The following UTP4 variants were observed in gnomAD, a reference collection of about 807,000 sequenced individuals.
UTP4 encodes the protein UTP4 small subunit processome component.
UTP4 carries 45 observed loss-of-function variants against 82.4 expected under a neutral mutation model. The ratio of observed to expected loss-of-function variants is 0.55; its 90% CI spans 0.43 to 0.70. UTP4 has a LOEUF of 0.70. Among genes scored for constraint, UTP4 ranks in the 30% least tolerant of loss-of-function variants. The pLI, the probability that UTP4 is intolerant of heterozygous loss-of-function variation, is 0.00. For missense variants in UTP4, 819 were observed against 858.3 expected (o/e 0.95, Z 0.57); for synonymous variants, 348 against 300.3 (o/e 1.16, Z -1.64).
chr16:69,160,227 T>C, intron 12 of UTP4, 129 bp from the exon 13 acceptor site: 1 of 791,000 alleles, frequency 1.3e-6, no homozygotes. Context: ...ATTTGCACAG[T>C]GATCAGCAAA....
intron 16 of UTP4, among the ~76,000 whole-genome samples, chr16:69,168,609 C>T (rs1963761575): frequency 6.6e-6 from 1 of 151,814 alleles, no homozygotes; most frequent in Non-Finnish European, 1.5e-5. Flanking sequence ...GCCTAGGCAA[C>T]ATAGCAAGAT....
chr16:69,161,573 A>G (rs1454713664), intron 13 of UTP4, among the ~76,000 whole-genome samples: 1 of 152,256 alleles, frequency 6.6e-6, no homozygotes, highest in Non-Finnish European at 1.5e-5. Flanking sequence ...TCAATGACAC[A>G]TTTATAAGCA....
chr16:69,160,351 C>T lies in UTP4; in HGVS notation c.1445-5C>T, dbSNP rs769021210. On this transcript the variant is annotated splice_region_variant and splice_polypyrimidine_tract_variant and intron_variant, in intron 12 of 16. Transcript: ENST00000314423. ...TTCAGAGATGTAACTGTTTTGTCCTCACAGGAACAGTGGAGGCCATGTGTC... is the reference window on the plus strand; with the variant it reads ...TTCAGAGATGTAACTGTTTTGTCCTTACAGGAACAGTGGAGGCCATGTGTC... 5 of 1,611,806 alleles carry T rather than the reference C, an allele frequency of 3.1e-6. No individual in the cohort carries two copies. In the Admixed American group the frequency reaches 6.7e-5, roughly 21 times the overall value.
chr16:69,137,813 G>A lies in UTP4; in HGVS notation c.364G>A (p.Asp122Asn), dbSNP rs1310054275. The change falls in exon 4 of 17, where the codon GAT (aspartate) becomes AAT (asparagine). Residue 122 changes from aspartate (D) to asparagine (N), a missense_variant. Asp to Asn is a conservative substitution (Grantham distance 23, BLOSUM62 1). Transcript: ENST00000314423. Reference sequence around the variant, plus strand: ...CTTTCTCAAATAGGTTGGTTGTGAAGATGGATCTGTGAAACTATTTCAAAT... The same window carrying A: ...CTTTCTCAAATAGGTTGGTTGTGAAAATGGATCTGTGAAACTATTTCAAAT... ...SGSQLLVGCEDGSVKLFQITP... is the reference protein window; with the variant it reads ...SGSQLLVGCENGSVKLFQITP... 2 of 1,609,992 alleles carry A rather than the reference G, an allele frequency of 1.2e-6. No individual in the cohort carries two copies. Among genetic ancestry groups the A allele is most frequent in the Non-Finnish European group, 1.7e-6 (2 of 1,176,230 alleles).
At chr16:69,159,799 C>G (rs1963517722) in intron 12 of UTP4, among the ~76,000 whole-genome samples, 1 of 152,014 alleles carries the variant, frequency 6.6e-6, no homozygotes, top group Admixed American at 6.6e-5. Flanking sequence ...ACCAGCCCAG[C>G]CAACATGGTG....
chr16:69,139,770 C>A (rs1962909991), intron 4 of UTP4, 55 bp from the exon 5 acceptor site: 6 of 1,177,374 alleles, frequency 5.1e-6, no homozygotes, highest in Non-Finnish European at 6.4e-6. Flanking sequence ...AGCTCAGTTA[C>A]TCTTCGTATA....
chr16:69,138,827 G>A (rs1238050854), intron 4 of UTP4, among the ~76,000 whole-genome samples: 7 of 152,168 alleles, frequency 4.6e-5, no homozygotes, highest in Admixed American at 3.9e-4. Context: ...CAAGCAGTGG[G>A]CCTGATTTGG....
chr16:69,135,819 A>G (rs183509415), intron 2 of UTP4, among the ~76,000 whole-genome samples: 54 of 152,246 alleles, frequency 3.5e-4, no homozygotes, highest in African/African-American at 1.1e-3. Context: ...TGAGGTCGGG[A>G]ATTCGAGACC....
intron 12 of UTP4, among the ~76,000 whole-genome samples, chr16:69,158,286 C>T (rs1963476470): frequency 6.7e-6 from 1 of 148,204 alleles, no homozygotes; most frequent in African/African-American, 2.5e-5. Flanking sequence ...AATCCTTCCA[C>T]CTCAGCCTCC....
At chr16:69,137,726 G>A in intron 3 of UTP4, 75 bp from the exon 4 acceptor site, 1 of 821,676 alleles carries the variant, frequency 1.2e-6, no homozygotes, top group Non-Finnish European at 2.2e-6. Flanking sequence ...GTGTGTTGGG[G>A]GGTGTGTGTG....
At chr16:69,161,658 C>T (rs1482042901) in intron 13 of UTP4, among the ~76,000 whole-genome samples, 4 of 152,146 alleles carry the variant, frequency 2.6e-5, no homozygotes, top group East Asian at 1.9e-4. Context: ...GTTTTGTACG[C>T]GGTTAAATAA....
intron 12 of UTP4, among the ~76,000 whole-genome samples, chr16:69,158,086 T>TC (rs1476503959): frequency 6.7e-6 from 1 of 149,494 alleles, no homozygotes; most frequent in Non-Finnish European, 1.5e-5. Flanking sequence ...TATGGGCCTT[T>TC]CACCTCTCCC....
intron 3 of UTP4, 88 bp downstream of exon 3, chr16:69,136,975 T>C (rs577158408): frequency 1.4e-4 from 156 of 1,140,482 alleles, no homozygotes; most frequent in Non-Finnish European, 2.0e-4. Context: ...AGAGTAACGA[T>C]ATATTATGGC....
intron 16 of UTP4, 104 bp downstream of exon 16, chr16:69,167,289 A>G: frequency 1.3e-6 from 1 of 787,352 alleles, no homozygotes. Flanking sequence ...GTTTCCATGC[A>G]GAGAACCTGG....
At chr16:69,158,911 G>T (rs974976898) in intron 12 of UTP4, among the ~76,000 whole-genome samples, 2 of 152,114 alleles carry the variant, frequency 1.3e-5, no homozygotes, top group Non-Finnish European at 2.9e-5. Context: ...ACTAGTTGTC[G>T]TGTTGCCAGA....
At position 69,160,077 on chromosome 16, in the gene UTP4, G is replaced by A. The variant is rs561684073; in HGVS notation, c.1445-279G>A. Among the ~76,000 whole-genome samples the A allele has an allele frequency of 9.9e-5, 15 of 152,214 alleles. 1 individual carries two copies. Among genetic ancestry groups the A allele is most frequent in the Admixed American group, 3.3e-4 (5 of 15,276 alleles). ...ATATATTTTAGTGGCAGATGCTGCC[G>A]TCATTCTCTATTCCTGTAGTAAGCA... On this transcript the variant is annotated intron_variant, in intron 12 of 16. Coordinates refer to ENST00000314423, the MANE Select transcript of UTP4 (RefSeq NM_032830.3).
Position 69,133,495 on chromosome 16 carries a change from T to C in UTP4, c.36T>C (p.Phe12=), listed in dbSNP as rs895142389. ...GEFKVHRVRF[F]NYVPSGIRCV... ...TTAAGGTCCATCGAGTACGTTTCTT[T>C]AATTATGTTCCATCAGGAATCCGCT... Residue 12 remains phenylalanine (F), a synonymous_variant, in exon 2 of 17, where the codon TTT becomes TTC. Coordinates refer to ENST00000314423, the MANE Select transcript of UTP4 (RefSeq NM_032830.3). 2.0e-5 allele frequency: 32 copies of C among 1,614,206 alleles called. No homozygotes were observed. The highest frequency in any genetic ancestry group is 4.5e-5 in the East Asian group (2 of 44,878).
intron 12 of UTP4, among the ~76,000 whole-genome samples, chr16:69,157,765 T>C (rs1198233440): frequency 6.6e-6 from 1 of 151,794 alleles, no homozygotes; most frequent in Non-Finnish European, 1.5e-5. Flanking sequence ...CAGCTAATTT[T>C]TTCATTTTTT....
intron 6 of UTP4, among the ~76,000 whole-genome samples, chr16:69,143,979 C>CCAGG (rs1963037779): frequency 6.6e-6 from 1 of 151,928 alleles, no homozygotes; most frequent in Non-Finnish European, 1.5e-5. Flanking sequence ...CCTCTGCCTC[C>CCAGG]CAGGTTCAAG....
Sources: allele counts gnomAD v4.1 joint callset (sites outside exome capture counted in the v4.1 genomes callset), GRCh38; gene constraint gnomAD v4.1.1; transcripts MANE v1.5; gene names NCBI Gene and HGNC (gene_info 2026-07-23, HGNC 2026-07-21).